The following TTN variants were observed in gnomAD, a reference collection of about 807,000 sequenced individuals.
The protein encoded by TTN is titin, also known as connectin.
In TTN, 1,525 loss-of-function variants were observed where a neutral mutation model predicts 3,223.0. That is an observed-to-expected ratio of 0.47 (90% CI 0.45 to 0.49). The LOEUF (loss-of-function observed/expected upper bound fraction) is 0.49. Ranked by LOEUF, TTN falls within the 20% of genes least tolerant of loss-of-function variation. The pLI, the probability that TTN is intolerant of heterozygous loss-of-function variation, is 0.00. For missense variants in TTN, 40,786 were observed against 43,424.0 expected, an observed-to-expected ratio of 0.94 and a Z score of 5.40; for synonymous variants, 14,094 against 15,161.0, an observed-to-expected ratio of 0.93 and a Z score of 5.17.
At position 178,732,086 on chromosome 2, in the gene TTN, C is replaced by T; in HGVS notation, c.16883G>A (p.Ser5628Asn). 2 of 1,610,586 alleles carry T rather than the reference C, an allele frequency of 1.2e-6. No individual in the cohort carries two copies. The highest frequency in any genetic ancestry group is 1.7e-6 in the Non-Finnish European group (2 of 1,177,640). ...CAAACCTTTGACTATTACAATGCTA[C>T]TGCAGTGGTCACTGCCAGCCTCATT... ...AQNEAGSDHCSSIVIVKESPY... is the reference protein window; with the variant it reads ...AQNEAGSDHCNSIVIVKESPY... The change falls in exon 57 of 363, where the codon AGT becomes AAT. Residue 5628 changes from serine (S) to asparagine (N), a missense_variant. Physicochemically the swap from Ser to Asn is conservative, Grantham distance 46. Transcript: ENST00000589042.
intron 3 of TTN, 117 bp from the exon 4 acceptor site, chr2:178,800,799 C>T (rs768233166): frequency 8.8e-7 from 1 of 1,134,238 alleles, no homozygotes; most frequent in Non-Finnish European, 1.2e-6. Flanking sequence ...ATCTAAACAT[C>T]CTTGAATGTC....
Position 178,579,225 on chromosome 2 carries a change from G to A in TTN, c.67805C>T (p.Ser22602Phe). The A allele has an allele frequency of 1.2e-6, 2 of 1,613,484 alleles. No individual in the cohort carries two copies. Among genetic ancestry groups the A allele is most frequent in the Non-Finnish European group, 1.7e-6 (2 of 1,179,580 alleles). The change falls in exon 320 of 363, where the codon TCT becomes TTT. Residue 22602 changes from serine to phenylalanine, a missense_variant. By Grantham distance (155) the Ser-to-Phe change is radical. Coordinates refer to ENST00000589042, the MANE Select transcript of TTN (RefSeq NM_001267550.2). ...ATDTRVSVES[S>F]AVNTTLIVYD... ...CACTATAAGAGTTGTGTTAACCGCA[G>A]ATGACTCAACACTGACTCTAGTGTC...
chr2:178,789,700 A>G (rs2154353460), intron 12 of TTN, among the ~76,000 whole-genome samples: 1 of 152,264 alleles, frequency 6.6e-6, no homozygotes, highest in Middle Eastern at 3.4e-3. Flanking sequence ...AAACCTCTAG[A>G]TGAGTCCCTG....
chr2:178,752,946 G>T (rs1365602355), intron 47 of TTN, among the ~76,000 whole-genome samples, 178 bp downstream of exon 47: 3 of 151,958 alleles, frequency 2.0e-5, no homozygotes, highest in Admixed American at 6.6e-5. Flanking sequence ...ACTGTGAAAT[G>T]CATGTAACCA....
chr2:178,553,644 T>G lies in TTN; in HGVS notation c.89361A>C (p.Lys29787Asn). Reference sequence around the variant, plus strand: ...CATATTCTGTAGTTCTGACCTCTCCTTTGGTAGAGACAGTAGTCCATTCCT... The same window carrying G: ...CATATTCTGTAGTTCTGACCTCTCCGTTGGTAGAGACAGTAGTCCATTCCT... Reference protein sequence around the residue: ...EEEEWTTVSTKGEVRTTEYVV... With the variant: ...EEEEWTTVSTNGEVRTTEYVV... The change falls in exon 334 of 363, where the codon AAA (lysine) becomes AAC (asparagine). Residue 29787 changes from lysine to asparagine, a missense_variant. Coordinates refer to ENST00000589042, the MANE Select transcript of TTN (RefSeq NM_001267550.2). 2 of 1,613,890 alleles carry G rather than the reference T, an allele frequency of 1.2e-6. No individual in the cohort carries two copies. Among genetic ancestry groups the G allele is most frequent in the Non-Finnish European group, 1.7e-6 (2 of 1,179,820 alleles).
Position 178,633,022 on chromosome 2 carries a change from C to T in TTN, c.43109G>A (p.Gly14370Glu), listed in dbSNP as rs1463898788. The change falls in exon 234 of 363, where the codon GGA becomes GAA. Residue 14370 changes from glycine to glutamate, a missense_variant. Physicochemically the swap from Gly to Glu is moderately conservative, Grantham distance 98 (BLOSUM62 -2). Coordinates refer to ENST00000589042, the MANE Select transcript of TTN (RefSeq NM_001267550.2). ...ASPDCEIIEDGKKHILILHNC... is the reference protein window; with the variant it reads ...ASPDCEIIEDEKKHILILHNC... ...ATGAAGGATCAGAATATGCTTCTTT[C>T]CATCCTCAATGATTTCACAGTCCTG... is the stretch of plus-strand genomic sequence containing the variant. 7 of 1,612,980 alleles carry T rather than the reference C, an allele frequency of 4.3e-6. No individual in the cohort carries two copies. The highest frequency in any genetic ancestry group is 1.1e-5 in the South Asian group (1 of 91,028).
At chr2:178,751,475 AAGGGAGAGCCAGTAAACCTC>A (rs2085484998) in intron 47 of TTN, 1 of 1,613,108 alleles carries the variant, frequency 6.2e-7, no homozygotes, top group African/African-American at 1.3e-5. Context: ...TTTTTTGTTA[AAGGGAGAGCCAGTAAACCTC>A]AGGTCAACCT....
At chr2:178,620,179 A>G in intron 248 of TTN, 38 bp downstream of exon 248, 1 of 1,568,704 alleles carries the variant, frequency 6.4e-7, no homozygotes, top group Non-Finnish European at 8.6e-7. Flanking sequence ...AAGTGTATAT[A>G]TAGCTACAGA....
rs1411681875 is a variant in TTN at position 178,739,487 on chromosome 2, T to G, written c.13746A>C (p.Glu4582Asp). 1 of 1,613,806 alleles carries G rather than the reference T, an allele frequency of 6.2e-7. No homozygotes were observed. Among genetic ancestry groups the G allele is most frequent in the Admixed American group, 1.7e-5 (1 of 60,012 alleles). Residue 4582 changes from glutamate (E) to aspartate (D), a missense_variant, in exon 48 of 363, where the codon GAA becomes GAC. Transcript: ENST00000589042. ...CTGTAGCAACCTCCTCAGTACCACT[T>G]TCAGAGGAAGACTCCTCTTTTTCCT... is the stretch of plus-strand genomic sequence containing the variant. ...PSEEKEESSS[E>D]SGTEEVATVK...
At chr2:178,558,762 T>C in intron 326 of TTN, 125 bp from the exon 327 acceptor site, 1 of 1,089,940 alleles carries the variant, frequency 9.2e-7, no homozygotes, top group South Asian at 1.6e-5. Context: ...ATTTTAGTCT[T>C]CCTTTTTACA....
intron 47 of TTN, chr2:178,747,315 AAT>A: frequency 6.2e-7 from 1 of 1,613,356 alleles, no homozygotes; most frequent in Non-Finnish European, 8.5e-7. Context: ...AAAGGTGTGG[AAT>A]ATCTTTCAAC....
rs1461649905 is a variant in TTN, at chr2:178,799,592, G to T, written c.809C>A (p.Ser270Tyr). 1 of 1,614,070 alleles carries T rather than the reference G, an allele frequency of 6.2e-7. No individual in the cohort carries two copies. The highest frequency in any genetic ancestry group is 8.5e-7 in the Non-Finnish European group (1 of 1,180,042). ...AGCCAGCTGTGCTTTGGCAGCAATA[G>T]ACGGTGGTGTTGGGGATCTTGACTT... The part of the protein sequence containing the change: ...KPKSRSPTPP[S>Y]IAAKAQLARQ... The change falls in exon 6 of 363, where the codon TCT becomes TAT. Residue 270 changes from serine to tyrosine, a missense_variant. Coordinates refer to ENST00000589042, the MANE Select transcript of TTN (RefSeq NM_001267550.2).
chr2:178,571,406 G>T lies in TTN; in HGVS notation c.74726C>A (p.Pro24909His). 1 of 1,613,442 alleles carries T rather than the reference G, an allele frequency of 6.2e-7. No homozygotes were observed. The highest frequency in any genetic ancestry group is 1.3e-5 in the African/African-American group (1 of 75,000). Residue 24909 changes from proline to histidine, a missense_variant, in exon 326 of 363, where the codon CCT becomes CAT. Pro to His is a moderately conservative substitution (Grantham distance 77). Coordinates refer to ENST00000589042, the MANE Select transcript of TTN (RefSeq NM_001267550.2). Reference protein sequence around the residue: ...PTVAQYPFKVPGPPGTPVVTL... With the variant: ...PTVAQYPFKVHGPPGTPVVTL... Reference sequence around the variant, plus strand: ...GACAACTGGAGTGCCAGGAGGACCAGGAACTTTGAATGGATATTGGGCTAC... The same window carrying T: ...GACAACTGGAGTGCCAGGAGGACCATGAACTTTGAATGGATATTGGGCTAC...
In TTN at chr2:178,764,743, A is replaced by T; in HGVS notation, c.9772T>A (p.Phe3258Ile). The T allele has an allele frequency of 6.2e-7, 1 of 1,614,044 alleles. No homozygotes were observed. Among genetic ancestry groups the T allele is most frequent in the Admixed American group, 1.7e-5 (1 of 60,018 alleles). Reference protein sequence around the residue: ...VTVQSGKPARFCAVISGRPQP... With the variant: ...VTVQSGKPARICAVISGRPQP... ...GGTCTTCCGGATATCACGGCACAGA[A>T]GCGGGCAGGCTTGCCAGACTGCACA... Residue 3258 changes from phenylalanine to isoleucine, a missense_variant, in exon 42 of 363, where the codon TTC (phenylalanine) becomes ATC (isoleucine). By Grantham distance (21) the Phe-to-Ile change is conservative. Coordinates refer to ENST00000589042, the MANE Select transcript of TTN (RefSeq NM_001267550.2).
chr2:178,793,931 C>T (rs2093638417), intron 8 of TTN, among the ~76,000 whole-genome samples: 1 of 152,178 alleles, frequency 6.6e-6, no homozygotes, highest in Non-Finnish European at 1.5e-5. Context: ...GGGACATTAT[C>T]CTGGATTTAT....
Position 178,533,349 on chromosome 2 carries a change from G to T in TTN, c.103266C>A (p.His34422Gln). The T allele has an allele frequency of 6.2e-7, 1 of 1,613,636 alleles. No homozygotes were observed. Among genetic ancestry groups the T allele is most frequent in the Non-Finnish European group, 8.5e-7 (1 of 1,179,854 alleles). ...TGTCTTCAGGCAAAGTGTCCCTGAT[G>T]TGCAGAGCATAATAATCCAAGCCTT... is the stretch of plus-strand genomic sequence containing the variant. ...IHEGLDYYAL[H>Q]IRDTLPEDTG... is the part of the protein sequence containing the mutation. The change falls in exon 358 of 363, where the codon CAC becomes CAA. Residue 34422 changes from histidine to glutamine, a missense_variant. His to Gln is a conservative substitution (Grantham distance 24). Coordinates refer to ENST00000589042, the MANE Select transcript of TTN (RefSeq NM_001267550.2).
Position 178,576,333 on chromosome 2 carries a change from C to G in TTN, c.69799G>C (p.Asp23267His). ...TAGCCAGTGATTTCAAGTCCACCAT[C>G]ATAATGAGGCTTGCCCCATGCCAAA... ...ASLAWGKPHY[D>H]GGLEITGYVV... The change falls in exon 326 of 363, where the codon GAT (aspartate) becomes CAT (histidine). Residue 23267 changes from aspartate to histidine, a missense_variant. By Grantham distance (81) the Asp-to-His change is moderately conservative. Transcript: ENST00000589042. The surrounding 1 kb of genome is among the most constrained non-coding windows in gnomAD (Gnocchi z 4.3). The G allele has an allele frequency of 6.4e-7, 1 of 1,567,768 alleles. No homozygotes were observed. The highest frequency in any genetic ancestry group is 8.6e-7 in the Non-Finnish European group (1 of 1,161,568).
rs751693156 is a variant in TTN, at chr2:178,711,951, G to A, written c.27879C>T (p.Thr9293=). ...VGEVSASTFL[T]VQEQKLPPSF... is the part of the protein sequence containing the mutation. ...TAAAAATATTGCAATCACCTTGAAC[G>A]GTAAGGAAAGTTGATGCAGAAACTT... is the stretch of plus-strand genomic sequence containing the variant. The change falls in exon 96 of 363, where the codon ACC becomes ACT. Residue 9293 remains threonine, a synonymous_variant. Coordinates refer to ENST00000589042, the MANE Select transcript of TTN (RefSeq NM_001267550.2). 1.0e-5 allele frequency: 16 copies of A among 1,594,720 alleles called. No homozygotes were observed. The highest frequency in any genetic ancestry group is 2.2e-5 in the East Asian group (1 of 44,694).
At chr2:178,761,985 G>A (rs937542883) in intron 43 of TTN, among the ~76,000 whole-genome samples, 4 of 152,068 alleles carry the variant, frequency 2.6e-5, no homozygotes, top group African/African-American at 9.7e-5. Context: ...ACCAGTAGGT[G>A]GCACTGGAGA....
Sources: gnomAD v4.1 joint callset for allele counts (sites outside exome capture counted in the v4.1 genomes callset) on GRCh38, gnomAD v4.1.1 for gene constraint, Gnocchi (gnomAD v3.1) non-coding constraint, MANE v1.5 for transcripts, NCBI Gene and HGNC (gene_info 2026-07-23, HGNC 2026-07-21) for gene names.